FAR1: variants seen among roughly 807,000 people sequenced by gnomAD.
FAR1 encodes male sterility domain-containing protein 2.
A neutral mutation model predicts 61.1 loss-of-function variants in FAR1; 22 were observed. That is an observed-to-expected ratio of 0.36 (90% CI 0.26 to 0.51). The LOEUF (loss-of-function observed/expected upper bound fraction) is 0.51. Ranked by LOEUF, FAR1 falls within the 20% of genes least tolerant of loss-of-function variation. FAR1 has a pLI of 0.95. For synonymous variants in FAR1, 206 were observed against 209.7 expected, an observed-to-expected ratio of 0.98 and a Z score of 0.15; for missense variants, 359 against 626.9, an observed-to-expected ratio of 0.57 and a Z score of 4.56.
chr11:13,685,032 C>G (rs529665469), intron 1 of FAR1, among the ~76,000 whole-genome samples: 17 of 151,698 alleles, frequency 1.1e-4, no homozygotes, highest in Non-Finnish European at 1.8e-4. Context: ...TAGGTAAGAT[C>G]TCTCTGTGGA....
At chr11:13,689,127 C>G (rs1352185921) in intron 1 of FAR1, among the ~76,000 whole-genome samples, 1 of 152,184 alleles carries the variant, frequency 6.6e-6, no homozygotes. Context: ...TCTAGGCAAA[C>G]TAGGACATAT....
In FAR1 at chr11:13,721,742, A is replaced by T; in HGVS notation, c.1140A>T (p.Thr380=). The T allele has an allele frequency of 6.2e-7, 1 of 1,610,544 alleles. No homozygotes were observed. Among genetic ancestry groups the T allele is most frequent in the South Asian group, 1.1e-5 (1 of 90,458 alleles). ...MTGRSPRMMK[T]ITRLHKAMVF... Reference sequence around the variant, plus strand: ...TCTTACAATACAGGATGATGAAAACAATAACTCGTCTTCACAAAGCTATGG... The same window carrying T: ...TCTTACAATACAGGATGATGAAAACTATAACTCGTCTTCACAAAGCTATGG... Residue 380 remains threonine, a synonymous_variant, in exon 10 of 12, where the codon ACA becomes ACT. Transcript: ENST00000354817. The surrounding 1 kb of genome is among the most constrained non-coding windows in gnomAD (Gnocchi z 4.2).
intron 1 of FAR1, among the ~76,000 whole-genome samples, chr11:13,679,938 TG>T (rs1183743861): frequency 2.0e-5 from 3 of 151,638 alleles, no homozygotes; most frequent in Admixed American, 1.3e-4. Flanking sequence ...AGAAGTGCCT[TG>T]GGGGGAAGTA....
At chr11:13,676,955 ATAAATT>A (rs1232445652) in intron 1 of FAR1, among the ~76,000 whole-genome samples, 1 of 152,210 alleles carries the variant, frequency 6.6e-6, no homozygotes, top group Non-Finnish European at 1.5e-5. Context: ...CTCTCCTTCA[ATAAATT>A]TAAAGAGTGA....
At chr11:13,682,880 G>A (rs997518751) in intron 1 of FAR1, among the ~76,000 whole-genome samples, 14 of 152,024 alleles carry the variant, frequency 9.2e-5, no homozygotes, top group African/African-American at 2.7e-4. Context: ...TCACAGTGCC[G>A]GGATTACAGG....
At chr11:13,728,469 T>C in intron 11 of FAR1, 143 bp from the exon 12 acceptor site, 1 of 696,262 alleles carries the variant, frequency 1.4e-6, no homozygotes, top group Non-Finnish European at 2.4e-6. Context: ...CTGTTTTACC[T>C]ACAGTATACT....
rs559843144 is a variant in FAR1 at position 13,679,660 on chromosome 11, C to T, written c.-8+10854C>T. 2.6e-5 allele frequency among the ~76,000 whole-genome samples: 4 copies of T among 152,178 alleles called. No individual in the cohort carries two copies. In the East Asian group the frequency reaches 7.7e-4, roughly 29 times the overall value. ...ATTGAAAAATTTGTTTTCTGATCAG[C>T]AGATAATTTTAGTGCTACAAAACTG... On this transcript the variant is annotated intron_variant, in intron 1 of 11. Coordinates refer to ENST00000354817, the MANE Select transcript of FAR1 (RefSeq NM_032228.6).
At chr11:13,681,630 T>C (rs1848127707) in intron 1 of FAR1, among the ~76,000 whole-genome samples, 1 of 152,212 alleles carries the variant, frequency 6.6e-6, no homozygotes, top group South Asian at 2.1e-4. Context: ...ATCTGACTAT[T>C]CTGAGGTCCC....
In FAR1 at chr11:13,714,471, G is replaced by T. The variant is rs1423265672; in HGVS notation, c.956-38G>T. ...TTTTTTTTCAAAACTTCATTACATG[G>T]TTATTATCAAAGCTGTTACACAACT... is the stretch of plus-strand genomic sequence containing the variant. On this transcript the variant is annotated intron_variant, in intron 8 of 11. Coordinates refer to ENST00000354817, the MANE Select transcript of FAR1 (RefSeq NM_032228.6). The T allele has an allele frequency of 3.9e-6, 6 of 1,549,450 alleles. No individual in the cohort carries two copies. In the East Asian group the frequency reaches 1.2e-4, roughly 30 times the overall value.
chr11:13,702,921 G>A (rs544431923), intron 3 of FAR1, among the ~76,000 whole-genome samples: 16 of 152,264 alleles, frequency 1.1e-4, no homozygotes, highest in South Asian at 4.1e-4. Context: ...ACATCTTCTC[G>A]TTATTATTTT....
At chr11:13,690,787 T>A (rs1848241047) in intron 1 of FAR1, among the ~76,000 whole-genome samples, 1 of 152,216 alleles carries the variant, frequency 6.6e-6, no homozygotes, top group Non-Finnish European at 1.5e-5. Flanking sequence ...TGATTGGGAT[T>A]ATATTGACTT....
chr11:13,708,589 C>T (rs999873323), intron 4 of FAR1, among the ~76,000 whole-genome samples: 2 of 151,562 alleles, frequency 1.3e-5, no homozygotes, highest in African/African-American at 4.9e-5. Context: ...CACTTTTGAC[C>T]AAGTATAATG....
chr11:13,668,990 C>T (rs1215934098), intron 1 of FAR1, among the ~76,000 whole-genome samples, 184 bp downstream of exon 1: 2 of 152,128 alleles, frequency 1.3e-5, no homozygotes, highest in Admixed American at 6.5e-5. Context: ...CCCGGGTGGT[C>T]TCTGCCCCTC....
chr11:13,706,376 C>A (rs1206065568), intron 3 of FAR1, among the ~76,000 whole-genome samples: 1 of 152,044 alleles, frequency 6.6e-6, no homozygotes, highest in Non-Finnish European at 1.5e-5. Flanking sequence ...TTCTGTAATT[C>A]CTGGTACTTT....
At chr11:13,718,179 G>A (rs950349621) in intron 9 of FAR1, among the ~76,000 whole-genome samples, 1 of 152,060 alleles carries the variant, frequency 6.6e-6, no homozygotes, top group Admixed American at 6.5e-5. Flanking sequence ...TGAAAGTTCT[G>A]GAAGGCACTG....
At chr11:13,681,813 G>A (rs767258370) in intron 1 of FAR1, among the ~76,000 whole-genome samples, 4 of 152,282 alleles carry the variant, frequency 2.6e-5, no homozygotes, top group Non-Finnish European at 5.9e-5. Context: ...GTTTTAGAGT[G>A]ATTTTGTTAT....
intron 3 of FAR1, among the ~76,000 whole-genome samples, chr11:13,700,937 CAA>C (rs10556878): frequency 0.048 from 7,295 of 152,038 alleles, 202 homozygotes; most frequent in South Asian, 0.088. Flanking sequence ...TTTTTATTTT[CAA>C]ACTTTTGCAG....
intron 1 of FAR1, among the ~76,000 whole-genome samples, chr11:13,682,162 A>T (rs1591255934): frequency 6.6e-6 from 1 of 152,224 alleles, no homozygotes; most frequent in African/African-American, 2.4e-5. Context: ...CCTGGCATTA[A>T]TGTGTTGTTT....
chr11:13,698,779 C>T (rs1291495952), intron 2 of FAR1, among the ~76,000 whole-genome samples: 7 of 151,232 alleles, frequency 4.6e-5, no homozygotes, highest in South Asian at 2.1e-4. Context: ...TGCAGTGAGC[C>T]GAGATCGCAC....
Sources: gnomAD v4.1 joint callset for allele counts (sites outside exome capture counted in the v4.1 genomes callset) on GRCh38, gnomAD v4.1.1 for gene constraint, Gnocchi (gnomAD v3.1) non-coding constraint, MANE v1.5 for transcripts, NCBI Gene and HGNC (gene_info 2026-07-23, HGNC 2026-07-21) for gene names.